MYO16: variants seen among roughly 807,000 people sequenced by gnomAD.
MYO16 encodes the protein myosin XVI.
In MYO16, 94 loss-of-function variants were observed where a neutral mutation model predicts 205.3. That is an observed-to-expected ratio of 0.46 (90% CI 0.39 to 0.54). The LOEUF (loss-of-function observed/expected upper bound fraction) is 0.54. MYO16 is among the 20% of genes least tolerant of loss of function. The probability of loss-of-function intolerance (pLI) is 0.00; values close to 1 mark genes in which losing one functional copy is unlikely to be tolerated. For synonymous variants in MYO16, 988 were observed against 954.0 expected (o/e 1.04, Z -0.66); for missense variants, 2,315 against 2,387.5 (o/e 0.97, Z 0.63).
chr13:108,918,130 C>G (rs1204317195), intron 16 of MYO16, among the ~76,000 whole-genome samples: 2 of 152,230 alleles, frequency 1.3e-5, no homozygotes, highest in Admixed American at 1.3e-4. Context: ...GCCTCTGCTT[C>G]AGCAAGAGAA....
At chr13:108,760,820 C>A (rs1885581016) in intron 4 of MYO16, among the ~76,000 whole-genome samples, 1 of 152,112 alleles carries the variant, frequency 6.6e-6, no homozygotes, top group Admixed American at 6.5e-5. Context: ...TCTTCTCTCC[C>A]ACCCTTCCCA....
chr13:109,116,177 A>G (rs780584835), intron 28 of MYO16, among the ~76,000 whole-genome samples: 1 of 152,190 alleles, frequency 6.6e-6, no homozygotes, highest in Non-Finnish European at 1.5e-5. Context: ...CAGCAAGCAC[A>G]ATACCCAGGC....
At chr13:109,049,298 C>T (rs1293304432) in intron 24 of MYO16, among the ~76,000 whole-genome samples, 1 of 152,094 alleles carries the variant, frequency 6.6e-6, no homozygotes, top group Non-Finnish European at 1.5e-5. Flanking sequence ...ACCAGGAGTT[C>T]CTTTGCTCGG....
At chr13:108,732,830 G>A (rs1036865533) in intron 4 of MYO16, among the ~76,000 whole-genome samples, 5 of 152,202 alleles carry the variant, frequency 3.3e-5, no homozygotes, top group Admixed American at 2.6e-4. Context: ...AGAAGTGGTT[G>A]ACATCTGGAT....
intron 32 of MYO16, among the ~76,000 whole-genome samples, chr13:109,151,285 C>G (rs181712159): frequency 2.6e-5 from 4 of 152,340 alleles, no homozygotes; most frequent in African/African-American, 9.6e-5. Context: ...CCTTTACTGA[C>G]TCCATCCTGG....
chr13:109,136,158 A>G (rs1427522414), intron 31 of MYO16, among the ~76,000 whole-genome samples: 1 of 151,084 alleles, frequency 6.6e-6, no homozygotes, highest in Non-Finnish European at 1.5e-5. Flanking sequence ...CAGTGGCGCA[A>G]TCTTGGTTCT....
chr13:108,797,803 T>C (rs1459146068), intron 6 of MYO16, among the ~76,000 whole-genome samples: 1 of 152,202 alleles, frequency 6.6e-6, no homozygotes, highest in African/African-American at 2.4e-5. Context: ...TTTAAAAAAA[T>C]ACTGCTAAGT....
intron 1 of MYO16, among the ~76,000 whole-genome samples, chr13:108,610,831 GA>G (rs944723316): frequency 2.6e-5 from 4 of 151,588 alleles, no homozygotes; most frequent in African/African-American, 9.7e-5. Context: ...TGGTTGAAAA[GA>G]AAAAAAAGGA....
At chr13:108,904,476 T>C (rs1427380283) in intron 15 of MYO16, among the ~76,000 whole-genome samples, 2 of 152,138 alleles carry the variant, frequency 1.3e-5, no homozygotes, top group African/African-American at 4.8e-5. Flanking sequence ...CCCTACAAAT[T>C]TGTATTTTTC....
At chr13:109,138,453 TAGAAAA>T (rs933967427) in intron 31 of MYO16, among the ~76,000 whole-genome samples, 20 of 152,168 alleles carry the variant, frequency 1.3e-4, no homozygotes, top group African/African-American at 4.6e-4. Flanking sequence ...GTAAAAGCAT[TAGAAAA>T]AGAAGTCTTG....
At chr13:108,795,776 G>A in intron 6 of MYO16, among the ~76,000 whole-genome samples, 1 of 152,058 alleles carries the variant, frequency 6.6e-6, no homozygotes, top group East Asian at 1.9e-4. Flanking sequence ...TGGGAAAGTG[G>A]GTAATATACA....
At chr13:108,912,086 T>C (rs1272946421) in intron 16 of MYO16, among the ~76,000 whole-genome samples, 1 of 152,098 alleles carries the variant, frequency 6.6e-6, no homozygotes, top group Non-Finnish European at 1.5e-5. Context: ...GGAGGGACTT[T>C]CCAGTGTGAT....
At chr13:108,706,391 G>A (rs77966789) in intron 2 of MYO16, among the ~76,000 whole-genome samples, 39 of 152,292 alleles carry the variant, frequency 2.6e-4, no homozygotes, top group African/African-American at 8.7e-4. Context: ...ATATATCTCA[G>A]TGTGATCCTT....
chr13:109,002,995 G>C (rs1462136966), intron 21 of MYO16, among the ~76,000 whole-genome samples: 1 of 152,152 alleles, frequency 6.6e-6, no homozygotes, highest in Non-Finnish European at 1.5e-5. Flanking sequence ...TCATGCCACA[G>C]TACGTCTATA....
rs76161364 is a variant in MYO16 at position 109,175,091 on chromosome 13, C to G, written c.5324-4451C>G. On this transcript the variant is annotated intron_variant, in intron 33 of 34. Transcript: ENST00000457511. ...TATAAGAATTTACATGAACCCACTA[C>G]GCTCTGCATGTAGACCTCATGGCCC... Among the ~76,000 whole-genome samples, 586 of 152,222 alleles carry G rather than the reference C, an allele frequency of 3.8e-3. 6 individuals carry two copies. Among genetic ancestry groups the G allele is most frequent in the African/African-American group, 0.013 (545 of 41,528 alleles).
intron 1 of MYO16, chr13:108,659,245 T>A (rs1881385769): frequency 6.2e-6 from 1 of 162,092 alleles, no homozygotes; most frequent in Admixed American, 6.8e-5. Flanking sequence ...ATGCTATATA[T>A]GATATATATG....
intron 28 of MYO16, among the ~76,000 whole-genome samples, chr13:109,119,223 T>C (rs1017088116): frequency 3.3e-5 from 5 of 152,220 alleles, no homozygotes; most frequent in African/African-American, 7.2e-5. Flanking sequence ...CCTGATGATG[T>C]GTACACACGT....
chr13:108,822,311 C>T (rs1876019749), intron 8 of MYO16, among the ~76,000 whole-genome samples: 1 of 152,156 alleles, frequency 6.6e-6, no homozygotes, highest in Admixed American at 6.6e-5. Context: ...AAAATCTTTA[C>T]ATAAATATCT....
Position 109,198,040 on chromosome 13 carries a change from G to A in MYO16, c.5416-8569G>A, listed in dbSNP as rs79508642. On this transcript the variant is annotated intron_variant, in intron 34 of 34. Transcript: ENST00000457511. Reference sequence around the variant, plus strand: ...GACAGCCAGCTTTTGAACTTACCCTGCTTTGCAATATCACATAGCTTTTCT... The same window carrying A: ...GACAGCCAGCTTTTGAACTTACCCTACTTTGCAATATCACATAGCTTTTCT... Among the ~76,000 whole-genome samples the A allele has an allele frequency of 5.4e-3, 825 of 152,160 alleles. 9 individuals carry two copies. The highest frequency in any genetic ancestry group is 0.018 in the African/African-American group (764 of 41,540).
Sources: allele counts gnomAD v4.1 joint callset (sites outside exome capture counted in the v4.1 genomes callset), GRCh38; gene constraint gnomAD v4.1.1; transcripts MANE v1.5; gene names NCBI Gene and HGNC (gene_info 2026-07-23, HGNC 2026-07-21).